Variants in NEGR1 observed in about 807,000 individuals in gnomAD.
NEGR1 encodes IgLON family member 4.
NEGR1 carries 10 observed loss-of-function variants against 40.9 expected under a neutral mutation model. That is an observed-to-expected ratio of 0.24 (90% CI 0.15 to 0.42). The LOEUF is 0.42. Ranked by LOEUF, NEGR1 falls within the 10% of genes least tolerant of loss-of-function variation. The pLI, the probability that NEGR1 is intolerant of heterozygous loss-of-function variation, is 1.00. For missense variants in NEGR1, 352 were observed against 438.9 expected (o/e 0.80, Z 1.77); for synonymous variants, 185 against 166.8 (o/e 1.11, Z -0.84).
At chr1:71,756,193 G>T (rs985614981) in intron 3 of NEGR1, among the ~76,000 whole-genome samples, 2 of 152,038 alleles carry the variant, frequency 1.3e-5, no homozygotes, top group African/African-American at 4.8e-5. Flanking sequence ...TCACTTTTTA[G>T]TTAGCCATTG....
rs1055189640 is a variant in NEGR1 at position 72,063,899 on chromosome 1, C to T, written c.177-128588G>A. 3.9e-5 allele frequency among the ~76,000 whole-genome samples: 6 copies of T among 151,908 alleles called. No individual in the cohort carries two copies. In the South Asian group the frequency reaches 6.2e-4, roughly 16 times the overall value. On this transcript the variant is annotated intron_variant, in intron 1 of 6. Transcript: ENST00000357731. ...AGAGAACCCCCCTGTAAGATGTAGT[C>T]GGCCAAGTGTTAGCTTTAAAGTAGT...
intron 1 of NEGR1, among the ~76,000 whole-genome samples, chr1:71,960,739 G>A (rs779794497): frequency 6.6e-6 from 1 of 152,106 alleles, no homozygotes; most frequent in Non-Finnish European, 1.5e-5. Flanking sequence ...ATTAAGGCCT[G>A]CTTTCCTGGG....
chr1:72,098,907 A>C (rs1648820696), intron 1 of NEGR1, among the ~76,000 whole-genome samples: 1 of 151,810 alleles, frequency 6.6e-6, no homozygotes, highest in Non-Finnish European at 1.5e-5. Context: ...ACAAAACTAA[A>C]TAAAAAATAA....
intron 1 of NEGR1, among the ~76,000 whole-genome samples, chr1:72,184,930 T>C (rs537336821): frequency 1.3e-5 from 2 of 152,160 alleles, no homozygotes; most frequent in African/African-American, 4.8e-5. Context: ...ATATAGCATA[T>C]AGGACATTCT....
chr1:71,458,018 A>G (rs1646686284), intron 6 of NEGR1, among the ~76,000 whole-genome samples: 1 of 152,112 alleles, frequency 6.6e-6, no homozygotes, highest in African/African-American at 2.4e-5. Flanking sequence ...CCTATTTTAT[A>G]AGAAAGGTAA....
chr1:71,602,240 T>C (rs1649946274), intron 5 of NEGR1, among the ~76,000 whole-genome samples: 1 of 20,724 alleles, frequency 4.8e-5, no homozygotes, highest in Non-Finnish European at 1.2e-4. Flanking sequence ...TGATTATTCT[T>C]TTTTTTTTTT....
chr1:71,880,352 A>G (rs1412557284), intron 2 of NEGR1, among the ~76,000 whole-genome samples: 1 of 152,106 alleles, frequency 6.6e-6, no homozygotes, highest in Non-Finnish European at 1.5e-5. Flanking sequence ...GGATTAAAAG[A>G]ATATTTTTAT....
intron 2 of NEGR1, among the ~76,000 whole-genome samples, chr1:71,879,821 T>A (rs1306137472): frequency 6.6e-6 from 1 of 152,136 alleles, no homozygotes; most frequent in Non-Finnish European, 1.5e-5. Context: ...TTTTTTGAAA[T>A]TCAAGATCTA....
intron 1 of NEGR1, among the ~76,000 whole-genome samples, chr1:72,256,068 T>A (rs1655263140): frequency 6.6e-6 from 1 of 152,202 alleles, no homozygotes; most frequent in African/African-American, 2.4e-5. Context: ...TGGAATCCAA[T>A]TGCCTGGTAA....
At chr1:71,611,655 T>G (rs559030897) in intron 4 of NEGR1, among the ~76,000 whole-genome samples, 2 of 152,356 alleles carry the variant, frequency 1.3e-5, no homozygotes, top group South Asian at 4.1e-4. Context: ...AGAATTTGCC[T>G]TTGAAGTCAG....
At chr1:71,465,077 T>C (rs1411265227) in intron 6 of NEGR1, among the ~76,000 whole-genome samples, 1 of 152,104 alleles carries the variant, frequency 6.6e-6, no homozygotes, top group African/African-American at 2.4e-5. Flanking sequence ...TTTCAGACTT[T>C]TCAGAATTTA....
At chr1:71,423,936 C>A (rs75023704) in intron 6 of NEGR1, among the ~76,000 whole-genome samples, 1 of 150,860 alleles carries the variant, frequency 6.6e-6, no homozygotes, top group East Asian at 2.0e-4. Flanking sequence ...TCTATAGGCG[C>A]TATAGGAGGG....
chr1:72,085,479 C>T (rs957305013), intron 1 of NEGR1, among the ~76,000 whole-genome samples: 2 of 152,174 alleles, frequency 1.3e-5, no homozygotes, highest in African/African-American at 4.8e-5. Context: ...TTACTACCCT[C>T]AGTTGCAATT....
At chr1:71,755,544 C>A (rs1557640183) in intron 3 of NEGR1, among the ~76,000 whole-genome samples, 1 of 152,180 alleles carries the variant, frequency 6.6e-6, no homozygotes, top group Non-Finnish European at 1.5e-5. Flanking sequence ...TCTCCAAGCC[C>A]AACTTAAGTC....
intron 6 of NEGR1, among the ~76,000 whole-genome samples, chr1:71,531,639 C>T (rs529196593): frequency 2.0e-5 from 3 of 151,256 alleles, no homozygotes; most frequent in Non-Finnish European, 3.0e-5. Context: ...CTTTGAGAGA[C>T]TAACCCCTGT....
chr1:72,041,733 CAT>C (rs146694243), intron 1 of NEGR1, among the ~76,000 whole-genome samples: 24 of 145,704 alleles, frequency 1.6e-4, no homozygotes, highest in South Asian at 2.1e-4. Context: ...TATACACACA[CAT>C]ATATATATAT....
At chr1:71,904,011 T>A (rs1661211717) in intron 2 of NEGR1, among the ~76,000 whole-genome samples, 1 of 151,956 alleles carries the variant, frequency 6.6e-6, no homozygotes, top group Non-Finnish European at 1.5e-5. Flanking sequence ...ATTTACATGA[T>A]ATGAGAACTT....
At chr1:71,814,672 C>A (rs1277802959) in intron 2 of NEGR1, among the ~76,000 whole-genome samples, 1 of 152,054 alleles carries the variant, frequency 6.6e-6, no homozygotes, top group Non-Finnish European at 1.5e-5. Flanking sequence ...TTATCCATTT[C>A]TTCTAGATTT....
intron 1 of NEGR1, among the ~76,000 whole-genome samples, chr1:72,178,142 C>CT (rs150455305): frequency 2.3e-4 from 34 of 150,560 alleles, no homozygotes; most frequent in African/African-American, 4.4e-4. Context: ...TGTTTTTGTT[C>CT]TTTTTTTTTA....
Sources: gnomAD v4.1 joint callset for allele counts (sites outside exome capture counted in the v4.1 genomes callset) on GRCh38, gnomAD v4.1.1 for gene constraint, MANE v1.5 for transcripts, NCBI Gene and HGNC (gene_info 2026-07-23, HGNC 2026-07-21) for gene names.